Variants in WDSUB1 observed in about 807,000 individuals in gnomAD.
WDSUB1 encodes WD repeat, sterile alpha motif and U-box domain containing 1.
WDSUB1 carries 49 observed loss-of-function variants against 53.9 expected under a neutral mutation model. The ratio of observed to expected loss-of-function variants is 0.91; its 90% CI spans 0.72 to 1.15. WDSUB1 has a LOEUF of 1.15. Among genes scored for constraint, WDSUB1 ranks in the 50% most tolerant of loss-of-function variants. The pLI is 0.00. For synonymous variants in WDSUB1, 194 were observed against 200.6 expected, an observed-to-expected ratio of 0.97 and a Z score of 0.28; for missense variants, 514 against 562.0, an observed-to-expected ratio of 0.91 and a Z score of 0.86.
chr2:159,256,948 T>C (rs1042466949), intron 8 of WDSUB1, among the ~76,000 whole-genome samples: 2 of 152,088 alleles, frequency 1.3e-5, no homozygotes, highest in African/African-American at 4.8e-5. Flanking sequence ...CTGAAAGCAT[T>C]TACCAACAGC....
At position 159,250,934 on chromosome 2, in the gene WDSUB1, T is replaced by C. The variant is rs1036464568; in HGVS notation, c.1133-2422A>G. Among the ~76,000 whole-genome samples, 7 of 152,048 alleles carry C rather than the reference T, an allele frequency of 4.6e-5. No homozygotes were observed. The East Asian group carries it at 1.4e-3, about 29-fold the overall frequency. On this transcript the variant is annotated intron_variant, in intron 9 of 10. Coordinates refer to ENST00000359774, the MANE Select transcript of WDSUB1 (RefSeq NM_001128212.3). ...CCAGAACATGTTTGCAATAAGACAG[T>C]AGACATCTCATTTAAAGAGATAATT...
intron 9 of WDSUB1, among the ~76,000 whole-genome samples, chr2:159,250,775 T>C (rs1332945499): frequency 6.6e-6 from 1 of 152,140 alleles, no homozygotes; most frequent in Admixed American, 6.6e-5. Flanking sequence ...AATAAAGGCT[T>C]AGATAAGATC....
intron 8 of WDSUB1, 37 bp from the exon 9 acceptor site, chr2:159,256,412 A>C: frequency 6.4e-7 from 1 of 1,563,350 alleles, no homozygotes; most frequent in Non-Finnish European, 8.7e-7. Context: ...GATAACAAAA[A>C]AGTATTTCCT....
At chr2:159,246,243 T>G (rs1319963547) in intron 10 of WDSUB1, among the ~76,000 whole-genome samples, 2 of 152,124 alleles carry the variant, frequency 1.3e-5, no homozygotes, top group Admixed American at 1.3e-4. Flanking sequence ...CCATCCTGGC[T>G]AACACTGTGA....
rs147091578 is a variant in WDSUB1, at chr2:159,282,762, C to G, written c.308G>C (p.Cys103Ser). Residue 103 changes from cysteine (C) to serine (S), a missense_variant, in exon 2 of 11, where the codon TGC (cysteine) becomes TCC (serine). Transcript: ENST00000359774. ...EQPSGSPVRV[C>S]QFSPDSTCLA... Reference sequence around the variant, plus strand: ...ACACGTGGAGTCTGGGGAAAACTGGCAAACCCTCACAGGGCTGCCACTAGG... The same window carrying G: ...ACACGTGGAGTCTGGGGAAAACTGGGAAACCCTCACAGGGCTGCCACTAGG... 7.0e-4 allele frequency: 1,122 copies of G among 1,614,202 alleles called. No individual in the cohort carries two copies. Among genetic ancestry groups the G allele is most frequent in the Admixed American group, 9.3e-4 (56 of 60,028 alleles).
At chr2:159,245,623 C>T (rs1179020932) in intron 10 of WDSUB1, among the ~76,000 whole-genome samples, 1 of 151,700 alleles carries the variant, frequency 6.6e-6, no homozygotes, top group Non-Finnish European at 1.5e-5. Flanking sequence ...AAACATCATA[C>T]AAAGTCTAGA....
At chr2:159,254,682 T>A (rs2061023010) in intron 9 of WDSUB1, among the ~76,000 whole-genome samples, 1 of 152,252 alleles carries the variant, frequency 6.6e-6, no homozygotes, top group South Asian at 2.1e-4. Flanking sequence ...TATTTCATAT[T>A]GTGAAGTAAT....
chr2:159,249,812 C>A (rs1052065154), intron 9 of WDSUB1, among the ~76,000 whole-genome samples: 2 of 151,308 alleles, frequency 1.3e-5, no homozygotes, highest in Non-Finnish European at 3.0e-5. Flanking sequence ...ATGCCTGTAA[C>A]CCCAGCACTT....
At chr2:159,258,416 C>G (rs1176700736) in intron 6 of WDSUB1, among the ~76,000 whole-genome samples, 2 of 152,170 alleles carry the variant, frequency 1.3e-5, no homozygotes, top group Non-Finnish European at 2.9e-5. Flanking sequence ...CCCAGCATGT[C>G]GGGAGGCCGA....
At chr2:159,279,181 C>T (rs2151147957) in intron 3 of WDSUB1, among the ~76,000 whole-genome samples, 1 of 152,226 alleles carries the variant, frequency 6.6e-6, no homozygotes, top group South Asian at 2.1e-4. Context: ...TACAGAACTC[C>T]CATCCACTAA....
chr2:159,244,063 A>G (rs766947088), intron 10 of WDSUB1, among the ~76,000 whole-genome samples: 10 of 152,228 alleles, frequency 6.6e-5, no homozygotes, highest in Non-Finnish European at 1.5e-4. Flanking sequence ...TAGCCTAAAA[A>G]TTCTCAGCAA....
intron 4 of WDSUB1, among the ~76,000 whole-genome samples, chr2:159,272,434 T>C (rs2061461900): frequency 6.6e-6 from 1 of 152,168 alleles, no homozygotes; most frequent in South Asian, 2.1e-4. Flanking sequence ...AGCTGCACAT[T>C]GTCATAGAGT....
intron 5 of WDSUB1, 69 bp from the exon 6 acceptor site, chr2:159,259,912 T>A: frequency 7.3e-7 from 1 of 1,361,710 alleles, no homozygotes; most frequent in Non-Finnish European, 9.8e-7. Flanking sequence ...GTAATTAGTA[T>A]TTTTAAGTAA....
chr2:159,282,635 A>G, intron 2 of WDSUB1, 37 bp downstream of exon 2: 7 of 1,574,302 alleles, frequency 4.4e-6, no homozygotes, highest in Non-Finnish European at 6.1e-6. Flanking sequence ...ACACCTAGTC[A>G]ACAGGATTAA....
chr2:159,245,532 C>CAAA (rs35025474), intron 10 of WDSUB1, among the ~76,000 whole-genome samples: 8 of 131,404 alleles, frequency 6.1e-5, no homozygotes, highest in African/African-American at 1.7e-4. Context: ...GACTCTGTCT[C>CAAA]AAAAAAAAAA....
chr2:159,254,500 G>A (rs2061018787), intron 9 of WDSUB1, among the ~76,000 whole-genome samples: 1 of 152,208 alleles, frequency 6.6e-6, no homozygotes, highest in African/African-American at 2.4e-5. Flanking sequence ...GGTTGAAGCT[G>A]CAGTGAGGCA....
chr2:159,256,996 A>G (rs2061078550), intron 8 of WDSUB1, among the ~76,000 whole-genome samples: 2 of 152,130 alleles, frequency 1.3e-5, no homozygotes, highest in Admixed American at 6.6e-5. Context: ...TGGCTTCTGT[A>G]AAATTATTAT....
At chr2:159,278,656 T>C (rs1255589479) in intron 3 of WDSUB1, among the ~76,000 whole-genome samples, 1 of 152,208 alleles carries the variant, frequency 6.6e-6, no homozygotes, top group Non-Finnish European at 1.5e-5. Context: ...GTAAAGGGTC[T>C]GCACGTAAAA....
chr2:159,262,633 G>A (rs546090845), intron 5 of WDSUB1, among the ~76,000 whole-genome samples: 1 of 152,284 alleles, frequency 6.6e-6, no homozygotes, highest in South Asian at 2.1e-4. Flanking sequence ...TGATTCCAAG[G>A]AAGATGCAAT....
Sources: allele counts gnomAD v4.1 joint callset (sites outside exome capture counted in the v4.1 genomes callset), GRCh38; gene constraint gnomAD v4.1.1; transcripts MANE v1.5; gene names NCBI Gene and HGNC (gene_info 2026-07-23, HGNC 2026-07-21).